Variants in SAMHD1 observed in about 807,000 individuals in gnomAD.
SAMHD1 encodes the protein SAM and HD domain containing deoxynucleoside triphosphate triphosphohydrolase 1.
In SAMHD1, 54 loss-of-function variants were observed where a neutral mutation model predicts 79.6. That is an observed-to-expected ratio of 0.68 (90% CI 0.55 to 0.85). The LOEUF is 0.85. Among genes scored for constraint, SAMHD1 ranks in the 40% least tolerant of loss-of-function variants. The pLI, the probability that SAMHD1 is intolerant of heterozygous loss-of-function variation, is 0.00. For missense variants in SAMHD1, 663 were observed against 782.7 expected (o/e 0.85, Z 1.82); for synonymous variants, 260 against 264.1 (o/e 0.98, Z 0.15).
chr20:36,901,570 T>C lies in SAMHD1; in HGVS notation c.1503+2587A>G, dbSNP rs370485013. 4.6e-5 allele frequency among the ~76,000 whole-genome samples: 7 copies of C among 152,096 alleles called. No homozygotes were observed. In the East Asian group the frequency reaches 5.8e-4, roughly 13 times the overall value. On this transcript the variant is annotated intron_variant, in intron 13 of 15. Coordinates refer to ENST00000646673, the MANE Select transcript of SAMHD1 (RefSeq NM_015474.4). The stretch of plus-strand genomic sequence containing the variant: ...GGGCAGCATGGTGAGACCCTATCTA[T>C]ACAAAAAACTTAAAAATTAGCTGGG...
intron 6 of SAMHD1, among the ~76,000 whole-genome samples, chr20:36,924,440 G>C (rs1393723722): frequency 6.6e-6 from 1 of 152,034 alleles, no homozygotes; most frequent in African/African-American, 2.4e-5. Context: ...AAAAAGAAAA[G>C]AGCATAAATC....
chr20:36,907,769 C>T (rs2063413863), intron 11 of SAMHD1, among the ~76,000 whole-genome samples: 2 of 151,986 alleles, frequency 1.3e-5, no homozygotes. Flanking sequence ...AGCCACCATG[C>T]CTGGCTGACT....
In SAMHD1 at chr20:36,948,579, CTA is replaced by C. The variant is rs765805917; in HGVS notation, c.209-1777_209-1776del. On this transcript the variant is annotated intron_variant, in intron 1 of 15. Transcript: ENST00000646673. ...AGAGAAACTTTATTAGAAAGAAAGA[CTA>C]TTGCTGGTCGGGCGTGGTGGCTCAC... Among the ~76,000 whole-genome samples the C allele has an allele frequency of 2.0e-4, 30 of 150,388 alleles. No individual in the cohort carries two copies. The East Asian group carries it at 4.9e-3, about 25-fold the overall frequency.
intron 5 of SAMHD1, among the ~76,000 whole-genome samples, chr20:36,929,011 C>T (rs1345396277): frequency 1.4e-5 from 2 of 147,636 alleles, no homozygotes; most frequent in South Asian, 2.2e-4. Flanking sequence ...GAGCCAAGAT[C>T]GTACCATTGC....
chr20:36,929,712 C>A (rs2063556700), intron 5 of SAMHD1, among the ~76,000 whole-genome samples: 1 of 152,164 alleles, frequency 6.6e-6, no homozygotes, highest in Admixed American at 6.6e-5. Context: ...GACTCCATCT[C>A]AAAAATAAAA....
rs1448113794 is a variant in SAMHD1 at position 36,897,843 on chromosome 20, G to A, written c.1725C>T (p.Asp575=). The A allele has an allele frequency of 1.9e-6, 3 of 1,614,080 alleles. No homozygotes were observed. The highest frequency in any genetic ancestry group is 1.7e-5 in the Admixed American group (1 of 60,000). ...ARQYFVQWCA[D]RNFTKPQDGD... is the part of the protein sequence containing the mutation. Reference sequence around the variant, plus strand: ...CTACCTGCGGCTTGGTGAAATTTCTGTCTGCACACCACTGAACAAAATATT... The same window carrying A: ...CTACCTGCGGCTTGGTGAAATTTCTATCTGCACACCACTGAACAAAATATT... Residue 575 remains aspartate (D), a synonymous_variant, in exon 15 of 16, where the codon GAC becomes GAT. Transcript: ENST00000646673.
intron 3 of SAMHD1, 179 bp from the exon 4 acceptor site, chr20:36,935,368 T>C (rs2063596435): frequency 3.3e-6 from 2 of 610,048 alleles, no homozygotes; most frequent in Admixed American, 2.8e-5. Context: ...ACCAGACAGA[T>C]CAAGTATATT....
intron 2 of SAMHD1, among the ~76,000 whole-genome samples, chr20:36,945,852 C>T (rs561267097): frequency 2.0e-5 from 3 of 151,530 alleles, no homozygotes; most frequent in South Asian, 2.1e-4. Context: ...TTCAGTGAGC[C>T]GGGATCGCAC....
intron 3 of SAMHD1, among the ~76,000 whole-genome samples, chr20:36,939,589 C>A (rs1600388588): frequency 1.6e-5 from 2 of 128,814 alleles, no homozygotes; most frequent in East Asian, 4.5e-4. Context: ...AGCAAGACTC[C>A]ATCTCAAAAA....
chr20:36,936,305 G>A (rs1451980610), intron 3 of SAMHD1, among the ~76,000 whole-genome samples: 1 of 152,046 alleles, frequency 6.6e-6, no homozygotes, highest in African/African-American at 2.4e-5. Context: ...ATGTGTGTGT[G>A]TTCTTTTTGT....
chr20:36,909,099 T>A (rs971249511), intron 11 of SAMHD1, among the ~76,000 whole-genome samples: 1 of 152,016 alleles, frequency 6.6e-6, no homozygotes, highest in Non-Finnish European at 1.5e-5. Context: ...GTAGCTGAGA[T>A]TACAGGTGCG....
intron 15 of SAMHD1, among the ~76,000 whole-genome samples, chr20:36,896,600 G>A (rs6093568): frequency 0.21 from 32,211 of 151,778 alleles, 3,809 homozygotes; most frequent in African/African-American, 0.31. Context: ...ACTTTGGGGG[G>A]CCGAGGTGGG....
At chr20:36,903,537 CAATTTTTTTTT>C (rs2063387838) in intron 13 of SAMHD1, among the ~76,000 whole-genome samples, 1 of 130,202 alleles carries the variant, frequency 7.7e-6, no homozygotes, top group South Asian at 2.8e-4. Context: ...CCGTGCCCAG[CAATTTTTTTTT>C]TCTTTTTCTT....
chr20:36,941,150 G>T, intron 2 of SAMHD1, 39 bp from the exon 3 acceptor site: 2 of 1,346,936 alleles, frequency 1.5e-6, no homozygotes, highest in Non-Finnish European at 2.1e-6. Context: ...ATCATTATTT[G>T]CTTAATAATA....
chr20:36,901,290 G>A (rs778688429), intron 13 of SAMHD1, among the ~76,000 whole-genome samples: 45 of 151,766 alleles, frequency 3.0e-4, no homozygotes, highest in African/African-American at 1.1e-3. Context: ...TCAGCCTCCC[G>A]AGTAGCTGGG....
chr20:36,923,458 AAAGT>A (rs1177685004), intron 6 of SAMHD1, among the ~76,000 whole-genome samples: 4 of 152,074 alleles, frequency 2.6e-5, no homozygotes, highest in Admixed American at 6.5e-5. Flanking sequence ...ATAAATAAAT[AAAGT>A]AAGGGATTTT....
At chr20:36,944,789 G>A (rs1473821600) in intron 2 of SAMHD1, among the ~76,000 whole-genome samples, 1 of 152,150 alleles carries the variant, frequency 6.6e-6, no homozygotes, top group Non-Finnish European at 1.5e-5. Flanking sequence ...AGCTACTCGG[G>A]AGGCTGAGGC....
Position 36,935,048 on chromosome 20 carries a change from G to C in SAMHD1, c.490C>G (p.Arg164Gly). The C allele has an allele frequency of 1.2e-6, 2 of 1,614,010 alleles. No homozygotes were observed. The highest frequency in any genetic ancestry group is 2.2e-5 in the South Asian group (2 of 91,078). Residue 164 changes from arginine (R) to glycine (G), a missense_variant, in exon 4 of 16, where the codon CGA becomes GGA. By Grantham distance (125) the Arg-to-Gly change is moderately radical. Transcript: ENST00000646673. ...TCTTACCCTAGACTATGCTCAAATC[G>C]ATTGTGTGAAGCTCCTGGAAAAACA... Reference protein sequence around the residue: ...YYVFPGASHNRFEHSLGVGYL... With the variant: ...YYVFPGASHNGFEHSLGVGYL...
At chr20:36,939,748 G>A (rs2063629205) in intron 3 of SAMHD1, among the ~76,000 whole-genome samples, 1 of 151,984 alleles carries the variant, frequency 6.6e-6, no homozygotes, top group South Asian at 2.1e-4. Flanking sequence ...GGGCAAAAAA[G>A]TACAAAAAAA....
Sources: allele counts gnomAD v4.1 joint callset (sites outside exome capture counted in the v4.1 genomes callset), GRCh38; gene constraint gnomAD v4.1.1; transcripts MANE v1.5; gene names NCBI Gene and HGNC (gene_info 2026-07-23, HGNC 2026-07-21).